Variants in FCRL2 observed in about 807,000 individuals in gnomAD.
The protein encoded by FCRL2 is Fc receptor like 2.
FCRL2 carries 48 observed loss-of-function variants against 59.8 expected under a neutral mutation model. That is an observed-to-expected ratio of 0.80 (90% confidence interval 0.64 to 1.02). The LOEUF (loss-of-function observed/expected upper bound fraction) is 1.02, where lower values mean the gene tolerates loss of function less well. Among genes scored for constraint, FCRL2 ranks in the 50% least tolerant of loss-of-function variants. The probability of loss-of-function intolerance (pLI) is 0.00; values close to 1 mark genes in which losing one functional copy is unlikely to be tolerated. For synonymous variants in FCRL2, 251 were observed against 229.5 expected (o/e 1.09, Z -0.85); for missense variants, 658 against 597.3 (o/e 1.10, Z -1.06).
intron 2 of FCRL2, among the ~76,000 whole-genome samples, chr1:157,775,480 C>T (rs1650335536): frequency 6.6e-6 from 1 of 152,210 alleles, no homozygotes; most frequent in Non-Finnish European, 1.5e-5. Context: ...GGCAGGAAAA[C>T]AATTCTCTCC....
At chr1:157,754,581 A>G (rs1159278875) in intron 7 of FCRL2, among the ~76,000 whole-genome samples, 4 of 152,100 alleles carry the variant, frequency 2.6e-5, no homozygotes, top group Non-Finnish European at 5.9e-5. Context: ...CTTGAGATTC[A>G]AGAACCCTCT....
chr1:157,746,925 G>A (rs1647792590), intron 10 of FCRL2, 26 bp from the exon 11 acceptor site: 1 of 1,610,270 alleles, frequency 6.2e-7, no homozygotes, highest in South Asian at 1.1e-5. Flanking sequence ...TAATAGTTCT[G>A]AGCTCTTGCA....
chr1:157,772,530 C>T (rs1422716002), intron 2 of FCRL2, among the ~76,000 whole-genome samples: 29 of 152,080 alleles, frequency 1.9e-4, no homozygotes, highest in Admixed American at 1.9e-3. Flanking sequence ...AGCTCGGAGG[C>T]CTGGAAGTGA....
Position 157,770,296 on chromosome 1 carries a change from C to G in FCRL2, c.310+113G>C, listed in dbSNP as rs996305745. 2.8e-6 allele frequency: 4 copies of G among 1,453,428 alleles called. No individual in the cohort carries two copies. The East Asian group carries it at 9.1e-5, about 33-fold the overall frequency. 90.0% of individuals were successfully genotyped at this position (1,453,428 alleles called of 1,614,324 possible). A position where few individuals can be genotyped will look rare whatever the true frequency, so the allele number is the denominator to read the frequency against. On this transcript the variant is annotated intron_variant, in intron 3 of 11. Coordinates refer to ENST00000361516, the MANE Select transcript of FCRL2 (RefSeq NM_030764.4). The stretch of plus-strand genomic sequence containing the variant: ...CATGGCTCCTTTGATGATCAAACCA[C>G]AAGCACTCCCGTCTATATTTAGCCC...
At chr1:157,750,092 G>T (rs1430055765) in intron 7 of FCRL2, among the ~76,000 whole-genome samples, 9 of 152,118 alleles carry the variant, frequency 5.9e-5, no homozygotes, top group Non-Finnish European at 1.3e-4. Context: ...ATTTTTAAAT[G>T]TTTGATATTT....
At chr1:157,760,250 G>A (rs1350507817) in intron 7 of FCRL2, among the ~76,000 whole-genome samples, 2 of 152,166 alleles carry the variant, frequency 1.3e-5, no homozygotes, top group Non-Finnish European at 2.9e-5. Flanking sequence ...GAGTGCATAT[G>A]AACACAAAGA....
intron 7 of FCRL2, among the ~76,000 whole-genome samples, chr1:157,756,012 G>GA (rs1648563226): frequency 6.6e-6 from 1 of 152,202 alleles, no homozygotes; most frequent in East Asian, 1.9e-4. Flanking sequence ...TTATTTTAAA[G>GA]AAAAAATAAA....
At chr1:157,754,681 A>G (rs1364301685) in intron 7 of FCRL2, among the ~76,000 whole-genome samples, 2 of 152,104 alleles carry the variant, frequency 1.3e-5, no homozygotes, top group East Asian at 3.9e-4. Context: ...AGAAGAAAAT[A>G]TGGGCCTGGC....
Position 157,777,099 on chromosome 1 carries a change from A to T in FCRL2, c.-26T>A. The stretch of plus-strand genomic sequence containing the variant: ...GAGGACCTAATCCAGCTATTTGAAA[A>T]GAGATGTACTCTTGGTCACCAACTG... On this transcript the variant is annotated 5_prime_UTR_variant, in exon 1 of 12. Coordinates refer to ENST00000361516, the MANE Select transcript of FCRL2 (RefSeq NM_030764.4). 1 of 1,614,202 alleles carries T rather than the reference A, an allele frequency of 6.2e-7. No homozygotes were observed. The highest frequency in any genetic ancestry group is 8.5e-7 in the Non-Finnish European group (1 of 1,180,010).
Position 157,746,634 on chromosome 1 carries a change from T to G in FCRL2, c.*102A>C. 2.5e-6 allele frequency: 3 copies of G among 1,185,250 alleles called. No individual in the cohort carries two copies. The South Asian group carries it at 3.9e-5, about 15-fold the overall frequency. The allele number at this position is 1,185,250 out of a possible 1,614,324, so 73.4% of individuals were successfully genotyped here. A position where few individuals can be genotyped will look rare whatever the true frequency, so the allele number is the denominator to read the frequency against. On this transcript the variant is annotated 3_prime_UTR_variant, in exon 12 of 12. Coordinates refer to ENST00000361516, the MANE Select transcript of FCRL2 (RefSeq NM_030764.4). ...GGTGCCTCCTGAGGCACGTTCTGGC[T>G]GTGGCAGGTGATAAGCCTCAAGCAT...
In FCRL2 at chr1:157,767,266, GC is replaced by G. The variant is rs1649571562; in HGVS notation, c.1126del (p.Ala376ProfsTer22). ...YSCEANNGLG[A>X]QCSEAVPVSI... ...GACTGGCACTGCCTCACTGCACTGG[GC>G]CCCCAGGCCGTTGTTGGCCTCACAG... On this transcript the variant is annotated frameshift_variant, in exon 6 of 12. Transcript: ENST00000361516. LOFTEE classifies it high-confidence loss of function. 1 of 1,614,104 alleles carries G rather than the reference GC, an allele frequency of 6.2e-7. No homozygotes were observed. The highest frequency in any genetic ancestry group is 2.2e-5 in the East Asian group (1 of 44,886).
intron 7 of FCRL2, among the ~76,000 whole-genome samples, chr1:157,756,710 A>G (rs1648618774): frequency 6.6e-6 from 1 of 151,962 alleles, no homozygotes; most frequent in Admixed American, 6.6e-5. Flanking sequence ...GGATATCTGA[A>G]GGTCAAAGCC....
At chr1:157,748,526 G>C in intron 10 of FCRL2, 27 bp downstream of exon 10, 1 of 1,588,680 alleles carries the variant, frequency 6.3e-7, no homozygotes, top group Non-Finnish European at 8.6e-7. Context: ...ATATGCATCT[G>C]ACAAGAACTA....
chr1:157,761,872 T>C (rs1031111956), intron 7 of FCRL2, among the ~76,000 whole-genome samples: 2 of 152,224 alleles, frequency 1.3e-5, no homozygotes, highest in Admixed American at 6.5e-5. Context: ...AAAAGGTAGA[T>C]GTCTTCAAAC....
intron 2 of FCRL2, among the ~76,000 whole-genome samples, chr1:157,772,081 ATTAAC>A (rs1345986352): frequency 6.6e-6 from 1 of 151,246 alleles, no homozygotes; most frequent in African/African-American, 2.4e-5. Flanking sequence ...TGGAGAAACA[ATTAAC>A]TTAATTCAAG....
chr1:157,759,583 T>A (rs1251347425), intron 7 of FCRL2, among the ~76,000 whole-genome samples: 1 of 152,182 alleles, frequency 6.6e-6, no homozygotes, highest in Non-Finnish European at 1.5e-5. Flanking sequence ...TACTAGGAAC[T>A]CAAGCAAATC....
intron 9 of FCRL2, 29 bp from the exon 10 acceptor site, chr1:157,748,647 T>C (rs773889782): frequency 7.5e-6 from 12 of 1,600,834 alleles, no homozygotes; most frequent in Admixed American, 1.7e-5. Flanking sequence ...AGTTCACAGA[T>C]GTTGGTGGCC....
intron 2 of FCRL2, among the ~76,000 whole-genome samples, chr1:157,773,873 G>A (rs1650208209): frequency 6.6e-6 from 1 of 152,166 alleles, no homozygotes; most frequent in Admixed American, 6.5e-5. Context: ...TACCTGCAGA[G>A]GTGCCCAATA....
At chr1:157,776,347 A>G (rs1440217787) in intron 1 of FCRL2, among the ~76,000 whole-genome samples, 1 of 152,076 alleles carries the variant, frequency 6.6e-6, no homozygotes, top group African/African-American at 2.4e-5. Flanking sequence ...TTGGCTCACC[A>G]CAACCTCCAC....
Sources: gnomAD v4.1 joint callset for allele counts (sites outside exome capture counted in the v4.1 genomes callset) on GRCh38, gnomAD v4.1.1 for gene constraint, MANE v1.5 for transcripts, NCBI Gene and HGNC (gene_info 2026-07-23, HGNC 2026-07-21) for gene names.